NCOA2: variants seen among roughly 807,000 people sequenced by gnomAD.
NCOA2 encodes class E basic helix-loop-helix protein 75.
Under a neutral mutation model 145.1 loss-of-function variants are expected in NCOA2, and 21 were observed. The ratio of observed to expected loss-of-function variants is 0.14; its 90% CI spans 0.10 to 0.21. The LOEUF is 0.21. Ranked by LOEUF, NCOA2 falls within the 10% of genes least tolerant of loss-of-function variation. The pLI, the probability that NCOA2 is intolerant of heterozygous loss-of-function variation, is 1.00. For synonymous variants in NCOA2, 619 were observed against 637.5 expected, an observed-to-expected ratio of 0.97 and a Z score of 0.44; for missense variants, 1,472 against 1,837.6, an observed-to-expected ratio of 0.80 and a Z score of 3.64.
intron 2 of NCOA2, among the ~76,000 whole-genome samples, chr8:70,240,855 A>G (rs1822064625): frequency 6.6e-6 from 1 of 152,170 alleles, no homozygotes; most frequent in Non-Finnish European, 1.5e-5. Flanking sequence ...CGCCAGTTCA[A>G]TGTTTCCCAC....
intron 1 of NCOA2, among the ~76,000 whole-genome samples, chr8:70,342,632 A>C (rs911632711): frequency 6.6e-6 from 1 of 152,040 alleles, no homozygotes; most frequent in Non-Finnish European, 1.5e-5. Context: ...TGCTGAATTA[A>C]TGCCAAGCAG....
At position 70,156,702 on chromosome 8, in the gene NCOA2, G is replaced by C; in HGVS notation, c.1663C>G (p.Pro555Ala). ...GVSLGSSLASPDLKMGNLQNS... is the reference protein window; with the variant it reads ...GVSLGSSLASADLKMGNLQNS... ...TGCAAATTGCCCATTTTTAGGTCTG[G>C]TGAAGCCAACGATGACCCTAATGAG... The change falls in exon 11 of 23, where the codon CCA becomes GCA. Residue 555 changes from proline (P) to alanine (A), a missense_variant. Pro to Ala is a conservative substitution (Grantham distance 27). Transcript: ENST00000452400. 1 of 1,613,948 alleles carries C rather than the reference G, an allele frequency of 6.2e-7. No homozygotes were observed. Among genetic ancestry groups the C allele is most frequent in the Non-Finnish European group, 8.5e-7 (1 of 1,179,880 alleles).
intron 2 of NCOA2, among the ~76,000 whole-genome samples, chr8:70,279,226 T>C (rs942200634): frequency 1.2e-4 from 18 of 152,174 alleles, no homozygotes; most frequent in African/African-American, 3.6e-4. Context: ...CTGCCTGGAA[T>C]TACCCGCAGT....
intron 10 of NCOA2, among the ~76,000 whole-genome samples, chr8:70,159,244 T>TATATATATATATATATA: frequency 8.7e-5 from 6 of 69,266 alleles, no homozygotes; most frequent in South Asian, 3.9e-4. Flanking sequence ...ATATATATAT[T>TATATATATATATATATA]TTTTTTTTTT....
chr8:70,387,539 C>T (rs1213275473), intron 1 of NCOA2, among the ~76,000 whole-genome samples: 1 of 152,140 alleles, frequency 6.6e-6, no homozygotes, highest in Non-Finnish European at 1.5e-5. Context: ...TAGCCTGTGA[C>T]AGACAGATGG....
chr8:70,393,925 A>G (rs970297009), intron 1 of NCOA2, among the ~76,000 whole-genome samples: 5 of 152,120 alleles, frequency 3.3e-5, no homozygotes, highest in Non-Finnish European at 2.9e-5. Context: ...GTTGTTGTTC[A>G]CTGTCAGTAA....
At chr8:70,146,353 TTTG>T (rs1563520787) in intron 12 of NCOA2, among the ~76,000 whole-genome samples, 1 of 152,220 alleles carries the variant, frequency 6.6e-6, no homozygotes, top group African/African-American at 2.4e-5. Flanking sequence ...CAACCTATAA[TTTG>T]TTAACGCTAT....
chr8:70,195,835 A>G (rs2133377634), intron 4 of NCOA2, among the ~76,000 whole-genome samples: 2 of 152,276 alleles, frequency 1.3e-5, no homozygotes, highest in South Asian at 4.2e-4. Flanking sequence ...TAAGAGACCA[A>G]TTCATTCCCA....
Position 70,380,611 on chromosome 8 carries a change from A to G in NCOA2, c.-77+23089T>C, listed in dbSNP as rs79297137. ...TATTAATGTTTCTCTCCCCTAGACT[A>G]TATGCCTGTTACTGGTATTCATTCT... On this transcript the variant is annotated intron_variant, in intron 1 of 22. Transcript: ENST00000452400. Among the ~76,000 whole-genome samples, 802 of 152,234 alleles carry G rather than the reference A, an allele frequency of 5.3e-3. 8 individuals carry two copies. The highest frequency in any genetic ancestry group is 5.7e-3 in the Non-Finnish European group (388 of 68,024).
At chr8:70,286,364 A>G (rs1826233966) in intron 2 of NCOA2, among the ~76,000 whole-genome samples, 1 of 152,204 alleles carries the variant, frequency 6.6e-6, no homozygotes, top group Admixed American at 6.5e-5. Flanking sequence ...CTGGTGACAG[A>G]GCAAGAAAAA....
At chr8:70,383,046 T>C (rs28374075) in intron 1 of NCOA2, among the ~76,000 whole-genome samples, 15,982 of 152,194 alleles carry the variant, frequency 0.11, 1,289 homozygotes, top group East Asian at 0.41. Context: ...AGAAAGTCAA[T>C]TTTCATACCC....
chr8:70,305,822 A>G (rs539675501), intron 1 of NCOA2, among the ~76,000 whole-genome samples: 20 of 152,356 alleles, frequency 1.3e-4, no homozygotes, highest in Non-Finnish European at 2.2e-4. Flanking sequence ...AGAATGTAGT[A>G]TTCCAAAAGC....
intron 10 of NCOA2, among the ~76,000 whole-genome samples, chr8:70,159,234 ATATATATATTTT>A (rs1812638941): frequency 2.6e-5 from 2 of 77,410 alleles, no homozygotes; most frequent in Admixed American, 1.4e-4. Flanking sequence ...ATATATATAT[ATATATATATTTT>A]TTTTTTTTTC....
intron 1 of NCOA2, among the ~76,000 whole-genome samples, chr8:70,387,566 T>C (rs1812782227): frequency 6.6e-6 from 1 of 152,164 alleles, no homozygotes; most frequent in Admixed American, 6.5e-5. Context: ...CCAACACGAC[T>C]GCAATCTCTT....
intron 2 of NCOA2, among the ~76,000 whole-genome samples, chr8:70,261,514 C>G (rs1421421633): frequency 6.6e-6 from 1 of 152,048 alleles, no homozygotes; most frequent in East Asian, 1.9e-4. Flanking sequence ...ATGGGTGCAG[C>G]ACACCAGCAT....
chr8:70,227,966 T>C (rs1016851877), intron 2 of NCOA2, among the ~76,000 whole-genome samples: 53 of 148,206 alleles, frequency 3.6e-4, no homozygotes, highest in African/African-American at 9.0e-4. Context: ...CAGTGAGCCA[T>C]TGCACTCCAG....
intron 2 of NCOA2, among the ~76,000 whole-genome samples, chr8:70,226,480 C>T (rs1466842899): frequency 2.6e-5 from 4 of 151,982 alleles, no homozygotes; most frequent in African/African-American, 9.7e-5. Context: ...CTATACTGTA[C>T]TAAGTGGCAC....
chr8:70,251,465 T>C (rs1823170256), intron 2 of NCOA2, among the ~76,000 whole-genome samples: 1 of 152,236 alleles, frequency 6.6e-6, no homozygotes, highest in South Asian at 2.1e-4. Context: ...AGGCTTGAAA[T>C]GACTGAGTTA....
intron 3 of NCOA2, 108 bp from the exon 4 acceptor site, chr8:70,214,183 A>G: frequency 9.8e-7 from 1 of 1,022,158 alleles, no homozygotes; most frequent in Non-Finnish European, 1.4e-6. Context: ...AAAGCTACCT[A>G]TATAAACACA....
Sources: allele counts gnomAD v4.1 joint callset (sites outside exome capture counted in the v4.1 genomes callset), GRCh38; gene constraint gnomAD v4.1.1; transcripts MANE v1.5; gene names NCBI Gene and HGNC (gene_info 2026-07-23, HGNC 2026-07-21).